Variants in SH3GL2 observed in about 807,000 individuals in gnomAD.
SH3GL2 encodes endophilin-A1.
Under a neutral mutation model 46.0 loss-of-function variants are expected in SH3GL2, and 24 were observed. The observed-to-expected ratio is 0.52, with a 90% CI of 0.38 to 0.73. The LOEUF is 0.73. SH3GL2 is among the 30% of genes least tolerant of loss of function. The probability of loss-of-function intolerance (pLI) is 0.00; values close to 1 mark genes in which losing one functional copy is unlikely to be tolerated. For synonymous variants in SH3GL2, 196 were observed against 147.1 expected (o/e 1.33, Z -2.40); for missense variants, 413 against 424.2 (o/e 0.97, Z 0.23).
intron 1 of SH3GL2, among the ~76,000 whole-genome samples, chr9:17,681,945 C>G (rs1296399497): frequency 2.0e-5 from 3 of 152,044 alleles, no homozygotes; most frequent in East Asian, 3.9e-4. Context: ...TGAAAAAAAG[C>G]TCAACATCAC....
chr9:17,599,789 A>C (rs1427650674), intron 1 of SH3GL2, among the ~76,000 whole-genome samples: 1 of 152,210 alleles, frequency 6.6e-6, no homozygotes, highest in Non-Finnish European at 1.5e-5. Context: ...TAGGGTCACA[A>C]TGTTAATTAT....
In SH3GL2 at chr9:17,761,973, C is replaced by G. The variant is rs537187901; in HGVS notation, c.187+464C>G. On this transcript the variant is annotated intron_variant, in intron 3 of 8. Coordinates refer to ENST00000380607, the MANE Select transcript of SH3GL2 (RefSeq NM_003026.5). ...AGTCTTCAGAGCGTTGATCTTGATTCTGATTCTTCTCCAAGCACATCACAG... is the reference window on the plus strand; with the variant it reads ...AGTCTTCAGAGCGTTGATCTTGATTGTGATTCTTCTCCAAGCACATCACAG... 5.9e-5 allele frequency among the ~76,000 whole-genome samples: 9 copies of G among 152,256 alleles called. No individual in the cohort carries two copies. The South Asian group carries it at 1.2e-3, about 21-fold the overall frequency.
chr9:17,615,480 C>A (rs1279915321), intron 1 of SH3GL2, among the ~76,000 whole-genome samples: 1 of 151,820 alleles, frequency 6.6e-6, no homozygotes, highest in East Asian at 1.9e-4. Context: ...CACAGTGAAA[C>A]CCCGTCTCTA....
intron 3 of SH3GL2, among the ~76,000 whole-genome samples, chr9:17,763,005 A>G (rs1403604149): frequency 6.6e-6 from 1 of 152,136 alleles, no homozygotes. Flanking sequence ...CTTGTAACTC[A>G]TGGTTGTAGG....
At chr9:17,651,303 A>T (rs1448340433) in intron 1 of SH3GL2, among the ~76,000 whole-genome samples, 1 of 152,136 alleles carries the variant, frequency 6.6e-6, no homozygotes, top group African/African-American at 2.4e-5. Flanking sequence ...TTTTACAGGG[A>T]TTTGACATCT....
chr9:17,729,389 A>G (rs940167951), intron 1 of SH3GL2, among the ~76,000 whole-genome samples: 3 of 152,124 alleles, frequency 2.0e-5, no homozygotes, highest in African/African-American at 7.2e-5. Context: ...ATAGATTGCA[A>G]AAATTTTCCC....
At chr9:17,726,110 A>G (rs1822014233) in intron 1 of SH3GL2, among the ~76,000 whole-genome samples, 1 of 152,112 alleles carries the variant, frequency 6.6e-6, no homozygotes, top group African/African-American at 2.4e-5. Flanking sequence ...GAAACTTTAA[A>G]TGTTTCTTTA....
intron 1 of SH3GL2, among the ~76,000 whole-genome samples, chr9:17,679,694 C>T (rs183086209): frequency 1.1e-3 from 163 of 152,278 alleles, no homozygotes; most frequent in African/African-American, 3.7e-3. Context: ...AGAGGGCATC[C>T]TTGTCTTGTG....
chr9:17,748,606 G>C (rs1822758109), intron 2 of SH3GL2, among the ~76,000 whole-genome samples: 1 of 151,976 alleles, frequency 6.6e-6, no homozygotes, highest in Non-Finnish European at 1.5e-5. Context: ...TGTCTTTTTA[G>C]TTTTTCTCTT....
At chr9:17,623,278 A>T (rs1004126760) in intron 1 of SH3GL2, among the ~76,000 whole-genome samples, 1 of 151,776 alleles carries the variant, frequency 6.6e-6, no homozygotes, top group African/African-American at 2.4e-5. Flanking sequence ...GGTGTAGAAG[A>T]TGTGTCCTGT....
At chr9:17,715,814 C>G (rs1317347718) in intron 1 of SH3GL2, among the ~76,000 whole-genome samples, 1 of 151,948 alleles carries the variant, frequency 6.6e-6, no homozygotes, top group African/African-American at 2.4e-5. Context: ...TTAGCCTAGC[C>G]TACCTTAAAC....
At chr9:17,655,509 A>G (rs913139347) in intron 1 of SH3GL2, among the ~76,000 whole-genome samples, 1 of 152,216 alleles carries the variant, frequency 6.6e-6, no homozygotes, top group East Asian at 1.9e-4. Context: ...ATGCACCTAT[A>G]TAAGTTGAGT....
At chr9:17,775,204 G>T (rs1327288764) in intron 3 of SH3GL2, among the ~76,000 whole-genome samples, 1 of 151,750 alleles carries the variant, frequency 6.6e-6, no homozygotes, top group African/African-American at 2.4e-5. Flanking sequence ...CTAAATGTTT[G>T]TCAATTTTGT....
At chr9:17,659,423 A>G (rs543060561) in intron 1 of SH3GL2, among the ~76,000 whole-genome samples, 2 of 152,222 alleles carry the variant, frequency 1.3e-5, no homozygotes, top group East Asian at 3.9e-4. Flanking sequence ...TGTCCTTGGA[A>G]TGTCAGCCAT....
At chr9:17,629,203 G>A (rs1030658051) in intron 1 of SH3GL2, among the ~76,000 whole-genome samples, 2 of 152,076 alleles carry the variant, frequency 1.3e-5, no homozygotes, top group South Asian at 4.1e-4. Flanking sequence ...AGGCCTTTGT[G>A]GCCCTCATAT....
intron 1 of SH3GL2, among the ~76,000 whole-genome samples, chr9:17,606,573 T>C (rs1196343509): frequency 6.6e-6 from 1 of 152,208 alleles, no homozygotes; most frequent in Admixed American, 6.5e-5. Context: ...CAGTTTCTTC[T>C]TTGTATCCAT....
intron 1 of SH3GL2, among the ~76,000 whole-genome samples, chr9:17,740,106 T>G (rs1486840868): frequency 6.6e-6 from 1 of 152,148 alleles, no homozygotes; most frequent in African/African-American, 2.4e-5. Flanking sequence ...AAGGAAACTT[T>G]CCAATTTTCT....
intron 1 of SH3GL2, among the ~76,000 whole-genome samples, chr9:17,731,398 G>A (rs1334946271): frequency 6.6e-6 from 1 of 151,574 alleles, no homozygotes; most frequent in African/African-American, 2.4e-5. Flanking sequence ...GAGGAAAAGG[G>A]AGGGAGGTGG....
At chr9:17,725,966 G>A (rs1293715614) in intron 1 of SH3GL2, among the ~76,000 whole-genome samples, 2 of 152,168 alleles carry the variant, frequency 1.3e-5, no homozygotes, top group African/African-American at 4.8e-5. Flanking sequence ...AGAGCTGGCA[G>A]TAGGGGTGTA....
Sources: allele counts gnomAD v4.1 joint callset (sites outside exome capture counted in the v4.1 genomes callset), GRCh38; gene constraint gnomAD v4.1.1; transcripts MANE v1.5; gene names NCBI Gene and HGNC (gene_info 2026-07-23, HGNC 2026-07-21).